CPS1: variants seen among roughly 807,000 people sequenced by gnomAD.
CPS1 encodes carbamoyl-phosphate synthase [ammonia], mitochondrial.
CPS1 carries 109 observed loss-of-function variants against 174.6 expected under a neutral mutation model. The ratio of observed to expected loss-of-function variants is 0.62; its 90% CI spans 0.53 to 0.73. The LOEUF (loss-of-function observed/expected upper bound fraction) is 0.73. Ranked by LOEUF, CPS1 falls within the 30% of genes least tolerant of loss-of-function variation. The probability of loss-of-function intolerance (pLI) is 0.00; values close to 1 mark genes in which losing one functional copy is unlikely to be tolerated. For synonymous variants in CPS1, 637 were observed against 632.0 expected (o/e 1.01, Z -0.12); for missense variants, 1,689 against 1,821.9 (o/e 0.93, Z 1.33).
At chr2:210,534,723 T>C (rs1350757828) in intron 1 of CPS1, among the ~76,000 whole-genome samples, 1 of 152,224 alleles carries the variant, frequency 6.6e-6, no homozygotes, top group African/African-American at 2.4e-5. Flanking sequence ...ATTTGTTCAG[T>C]TGGCTGAAAA....
intron 21 of CPS1, among the ~76,000 whole-genome samples, chr2:210,629,517 G>A (rs552161642): frequency 6.6e-6 from 1 of 151,298 alleles, no homozygotes; most frequent in Non-Finnish European, 1.5e-5. Context: ...GGGTTTCACC[G>A]TGTTAGCCAG....
At chr2:210,533,848 A>C (rs979610253) in intron 1 of CPS1, among the ~76,000 whole-genome samples, 5 of 152,184 alleles carry the variant, frequency 3.3e-5, no homozygotes, top group African/African-American at 1.2e-4. Context: ...ATGATCATTC[A>C]TAAACACTGT....
chr2:210,577,500 A>G lies in CPS1; in HGVS notation c.461A>G (p.Gln154Arg), dbSNP rs1697753376. The change falls in exon 4 of 38, where the codon CAG (glutamine) becomes CGG (arginine). Residue 154 changes from glutamine to arginine, a missense_variant. Physicochemically the swap from Gln to Arg is conservative, Grantham distance 43. Coordinates refer to ENST00000233072, the MANE Select transcript of CPS1 (RefSeq NM_001875.5). ...LATKSLGQWL[Q>R]EEKVPAIYGV... ...ACCAAGAGTTTAGGGCAATGGCTAC[A>G]GGAAGAAAAGGTAAGAAATGTAATA... is the stretch of plus-strand genomic sequence containing the variant. The G allele has an allele frequency of 1.2e-6, 2 of 1,612,572 alleles. No individual in the cohort carries two copies. The highest frequency in any genetic ancestry group is 2.2e-5 in the South Asian group (2 of 91,068).
At chr2:210,585,732 T>G (rs1440507627) in intron 6 of CPS1, among the ~76,000 whole-genome samples, 2 of 151,966 alleles carry the variant, frequency 1.3e-5, no homozygotes, top group East Asian at 3.9e-4. Flanking sequence ...AATATTCAAA[T>G]AAGTTTACAT....
intron 21 of CPS1, chr2:210,619,476 G>A (rs1354770788): frequency 6.6e-6 from 1 of 151,978 alleles, no homozygotes; most frequent in Non-Finnish European, 1.5e-5. Context: ...TATGATTTTA[G>A]ATATGTATTA....
At position 210,582,679 on chromosome 2, in the gene CPS1, A is replaced by C. The variant is rs899030253; in HGVS notation, c.591A>C (p.Lys197Asn). The C allele has an allele frequency of 6.2e-7, 1 of 1,613,264 alleles. No individual in the cohort carries two copies. Among genetic ancestry groups the C allele is most frequent in the Non-Finnish European group, 8.5e-7 (1 of 1,179,438 alleles). ...CTGTGGATTTTGTGGATCCAAATAA[A>C]CAGAATTTGATTGCTGAGGTTTCAA... ...GQPVDFVDPN[K>N]QNLIAEVSTK... Residue 197 changes from lysine (K) to asparagine (N), a missense_variant, in exon 6 of 38, where the codon AAA becomes AAC. Transcript: ENST00000233072.
intron 1 of CPS1, among the ~76,000 whole-genome samples, chr2:210,537,787 G>A (rs186077386): frequency 1.3e-5 from 2 of 152,030 alleles, no homozygotes; most frequent in South Asian, 2.1e-4. Flanking sequence ...GCAGAGGCTC[G>A]AGTAATTTGT....
chr2:210,646,464 T>G (rs1224373119), intron 25 of CPS1, among the ~76,000 whole-genome samples: 1 of 152,184 alleles, frequency 6.6e-6, no homozygotes, highest in African/African-American at 2.4e-5. Flanking sequence ...CCGTAATTGC[T>G]CTCATCAGAC....
chr2:210,549,491 T>C (rs1294012200), intron 1 of CPS1, among the ~76,000 whole-genome samples: 1 of 152,050 alleles, frequency 6.6e-6, no homozygotes, highest in Non-Finnish European at 1.5e-5. Context: ...CAAAATTAAG[T>C]GTTGAGTTTG....
intron 21 of CPS1, among the ~76,000 whole-genome samples, chr2:210,627,594 C>T (rs890098143): frequency 1.3e-5 from 2 of 152,116 alleles, no homozygotes; most frequent in African/African-American, 2.4e-5. Flanking sequence ...TCATGCACTT[C>T]GTATCCAAAG....
chr2:210,569,000 CTATT>C (rs1272173957), intron 1 of CPS1, among the ~76,000 whole-genome samples: 3 of 151,738 alleles, frequency 2.0e-5, no homozygotes, highest in East Asian at 1.9e-4. Flanking sequence ...ATCAAATTCA[CTATT>C]TAATCATTTA....
chr2:210,506,035 G>T (rs1695272173), intron 1 of CPS1, among the ~76,000 whole-genome samples: 1 of 152,178 alleles, frequency 6.6e-6, no homozygotes, highest in Non-Finnish European at 1.5e-5. Flanking sequence ...TTTGAAGAGA[G>T]TAGTGGTTCT....
Position 210,678,064 on chromosome 2 carries a change from A to C in CPS1, c.*79A>C. Reference sequence around the variant, plus strand: ...AAAGGAACTGATTCACAACTTTCTCAGAGATGAATATTGATAACTAAACTT... The same window carrying C: ...AAAGGAACTGATTCACAACTTTCTCCGAGATGAATATTGATAACTAAACTT... On this transcript the variant is annotated 3_prime_UTR_variant, in exon 38 of 38. Transcript: ENST00000233072. 2.7e-5 allele frequency: 28 copies of C among 1,029,124 alleles called. No individual in the cohort carries two copies. The highest frequency in any genetic ancestry group is 3.7e-5 in the Non-Finnish European group (24 of 645,928). 63.7% of individuals were successfully genotyped at this position (1,029,124 alleles called of 1,614,324 possible).
At chr2:210,628,168 C>T (rs1444803300) in intron 21 of CPS1, among the ~76,000 whole-genome samples, 1 of 152,156 alleles carries the variant, frequency 6.6e-6, no homozygotes, top group Admixed American at 6.5e-5. Context: ...TCTTCTACCC[C>T]TCCCCTTCTA....
chr2:210,633,023 A>G (rs2105889756), intron 21 of CPS1, among the ~76,000 whole-genome samples: 1 of 152,316 alleles, frequency 6.6e-6, no homozygotes, highest in African/African-American at 2.4e-5. Flanking sequence ...TAGTGAGATT[A>G]AAATATGCAA....
intron 1 of CPS1, among the ~76,000 whole-genome samples, chr2:210,539,579 C>T (rs1483543287): frequency 6.6e-6 from 1 of 152,138 alleles, no homozygotes; most frequent in African/African-American, 2.4e-5. Flanking sequence ...CCTGCTTACC[C>T]TATTCCTCTT....
chr2:210,607,415 TG>T (rs1053994879), intron 18 of CPS1, among the ~76,000 whole-genome samples: 1 of 151,960 alleles, frequency 6.6e-6, no homozygotes, highest in African/African-American at 2.4e-5. Flanking sequence ...CACAAGTAAC[TG>T]TTACAACCAA....
intron 31 of CPS1, among the ~76,000 whole-genome samples, chr2:210,659,070 G>A (rs1237184122): frequency 6.6e-6 from 1 of 152,166 alleles, no homozygotes; most frequent in Non-Finnish European, 1.5e-5. Context: ...GATACCATTT[G>A]CAAAAATGAT....
rs1698635593 is a variant in CPS1, at chr2:210,599,571, T to G, written c.1549+10T>G. ...ACAGCTCTGAACTGTGGTGAGTTCT[T>G]ATAAGCTTAATTGCAGAGTTTTGAC... On this transcript the variant is annotated intron_variant, in intron 14 of 37. Coordinates refer to ENST00000233072, the MANE Select transcript of CPS1 (RefSeq NM_001875.5). The G allele has an allele frequency of 6.2e-7, 1 of 1,611,774 alleles. No individual in the cohort carries two copies. Among genetic ancestry groups the G allele is most frequent in the Non-Finnish European group, 8.5e-7 (1 of 1,178,538 alleles).
Sources: gnomAD v4.1 joint callset for allele counts (sites outside exome capture counted in the v4.1 genomes callset) on GRCh38, gnomAD v4.1.1 for gene constraint, MANE v1.5 for transcripts, NCBI Gene and HGNC (gene_info 2026-07-23, HGNC 2026-07-21) for gene names.